Variants in IPO5 observed in about 807,000 individuals in gnomAD.
IPO5 encodes importin-5.
IPO5 carries 18 observed loss-of-function variants against 143.3 expected under a neutral mutation model. That is an observed-to-expected ratio of 0.13 (90% CI 0.09 to 0.19). The LOEUF (loss-of-function observed/expected upper bound fraction) is 0.19, where lower values mean the gene tolerates loss of function less well. Ranked by LOEUF, IPO5 falls within the 10% of genes least tolerant of loss-of-function variation. The pLI is 1.00. For missense variants in IPO5, 1,013 were observed against 1,336.9 expected, an observed-to-expected ratio of 0.76 and a Z score of 3.78; for synonymous variants, 477 against 465.7, an observed-to-expected ratio of 1.02 and a Z score of -0.31.
At chr13:97,959,280 C>A (rs1884686834) in intron 2 of IPO5, among the ~76,000 whole-genome samples, 2 of 152,146 alleles carry the variant, frequency 1.3e-5, no homozygotes, top group Admixed American at 1.3e-4. Flanking sequence ...CTGGCCTCTG[C>A]TGGCCTCTCA....
chr13:97,983,611 T>A (rs1887048680), intron 5 of IPO5, among the ~76,000 whole-genome samples: 1 of 146,024 alleles, frequency 6.8e-6, no homozygotes, highest in South Asian at 2.2e-4. Flanking sequence ...AATATCTGTT[T>A]ACTTTGGAAA....
chr13:97,974,697 A>G (rs1032810620), intron 3 of IPO5, among the ~76,000 whole-genome samples: 1 of 151,700 alleles, frequency 6.6e-6, no homozygotes, highest in Non-Finnish European at 1.5e-5. Context: ...AAAAAAAAAA[A>G]ATCAAAATCA....
intron 5 of IPO5, among the ~76,000 whole-genome samples, chr13:97,984,324 A>T (rs969829009): frequency 2.6e-5 from 4 of 152,114 alleles, no homozygotes; most frequent in Non-Finnish European, 4.4e-5. Context: ...TTAATTCTTG[A>T]AGATTAGTGC....
intron 2 of IPO5, chr13:97,960,529 G>A (rs1367663576): frequency 1.6e-5 from 2 of 126,334 alleles, no homozygotes; most frequent in African/African-American, 7.0e-5. Flanking sequence ...ACACCATAAA[G>A]TCCAAATTTT....
At chr13:98,004,494 G>A (rs1889053563) in intron 16 of IPO5, among the ~76,000 whole-genome samples, 1 of 151,862 alleles carries the variant, frequency 6.6e-6, no homozygotes, top group African/African-American at 2.4e-5. Flanking sequence ...TTACAGGTTT[G>A]GGTGGATGGC....
At chr13:98,019,457 A>G (rs1890338637) in intron 26 of IPO5, 124 bp from the exon 27 acceptor site, 3 of 709,164 alleles carry the variant, frequency 4.2e-6, no homozygotes, top group African/African-American at 1.8e-5. Context: ...AGAAGACAAC[A>G]CTTCCCATAC....
intron 12 of IPO5, among the ~76,000 whole-genome samples, chr13:98,000,088 T>C (rs12871757): frequency 0.023 from 3,533 of 152,114 alleles, 57 homozygotes; most frequent in Admixed American, 0.035. Context: ...ATCAAGACAA[T>C]CCTGGCTAAC....
rs147695197 is a variant in IPO5 at position 97,964,849 on chromosome 13, C to T, written c.-112-4874C>T. 4.5e-4 allele frequency among the ~76,000 whole-genome samples: 69 copies of T among 152,116 alleles called. 1 individual carries two copies. The East Asian group carries it at 0.013, about 29-fold the overall frequency. ...AGCAATCCCATTACTGAGTATATAC[C>T]CAAAGGATTATAAATCATTCTACTG... On this transcript the variant is annotated intron_variant, in intron 2 of 28. Transcript: ENST00000651721.
chr13:97,993,602 G>A (rs959203845), intron 11 of IPO5, among the ~76,000 whole-genome samples: 1 of 152,190 alleles, frequency 6.6e-6, no homozygotes, highest in African/African-American at 2.4e-5. Flanking sequence ...GTGAAGCCAA[G>A]ATTAGAAGAA....
At position 98,018,704 on chromosome 13, in the gene IPO5, G is replaced by A. The variant is rs1335509101; in HGVS notation, c.2836G>A (p.Glu946Lys). ...GGDNYRPFCT[E>K]ALPLLVRVIQ... ...AGATAATTATCGCCCTTTTTGTACA[G>A]GTACGTTTGCTTATTCCGTTACGTG... is the stretch of plus-strand genomic sequence containing the variant. Residue 946 changes from glutamate (E) to lysine (K), a missense_variant and splice_region_variant, in exon 26 of 29, where the codon GAA becomes AAA. Glu to Lys is a moderately conservative substitution (Grantham distance 56, BLOSUM62 1). Transcript: ENST00000651721. 1 of 1,611,852 alleles carries A rather than the reference G, an allele frequency of 6.2e-7. No homozygotes were observed. Among genetic ancestry groups the A allele is most frequent in the Non-Finnish European group, 8.5e-7 (1 of 1,178,088 alleles).
At chr13:97,977,225 C>T (rs1176084325) in intron 4 of IPO5, among the ~76,000 whole-genome samples, 2 of 152,208 alleles carry the variant, frequency 1.3e-5, no homozygotes, top group Non-Finnish European at 2.9e-5. Flanking sequence ...TGGCTGCTAC[C>T]TGACCCGTCA....
At chr13:98,008,022 G>A (rs761549677) in intron 17 of IPO5, 37 bp from the exon 18 acceptor site, 33 of 1,318,156 alleles carry the variant, frequency 2.5e-5, no homozygotes, top group Middle Eastern at 1.8e-4. Context: ...AACAAAATTC[G>A]GTATCAACAA....
intron 21 of IPO5, 31 bp from the exon 22 acceptor site, chr13:98,014,011 A>G: frequency 6.3e-7 from 1 of 1,582,710 alleles, no homozygotes; most frequent in East Asian, 2.3e-5. Context: ...AAAATAATAA[A>G]CAGTCTTTTG....
At chr13:98,015,496 C>A in intron 22 of IPO5, 34 bp from the exon 23 acceptor site, 1 of 1,298,926 alleles carries the variant, frequency 7.7e-7, no homozygotes, top group South Asian at 1.3e-5. Context: ...CACCCCAAAT[C>A]TTATGGATTG....
chr13:98,005,238 A>G (rs1270274919), intron 16 of IPO5, among the ~76,000 whole-genome samples: 1 of 150,434 alleles, frequency 6.6e-6, no homozygotes, highest in African/African-American at 2.4e-5. Context: ...GCTCTTGTCA[A>G]CCCAGCTGGG....
Position 97,990,172 on chromosome 13 carries a change from G to A in IPO5, c.514G>A (p.Val172Ile). ...FGNQQQHYLD[V>I]IKRMLVQCMQ... ...GAACCAGCAACAACACTATTTAGAT[G>A]TCATCAAACGAATGTTAGTTCAGTG... Residue 172 changes from valine (V) to isoleucine (I), a missense_variant, in exon 8 of 29, where the codon GTC becomes ATC. Transcript: ENST00000651721. 1 of 1,613,428 alleles carries A rather than the reference G, an allele frequency of 6.2e-7. No homozygotes were observed. Among genetic ancestry groups the A allele is most frequent in the Non-Finnish European group, 8.5e-7 (1 of 1,179,514 alleles).
At chr13:97,977,116 T>C (rs974761073) in intron 4 of IPO5, 35 of 158,302 alleles carry the variant, frequency 2.2e-4, no homozygotes, top group Non-Finnish European at 4.6e-4. Flanking sequence ...GCTTCCCAGC[T>C]CCCCGCTTGC....
In IPO5 at chr13:97,976,678, C is replaced by G. The variant is rs1167002019; in HGVS notation, c.-4-15C>G. On this transcript the variant is annotated splice_polypyrimidine_tract_variant and intron_variant, in intron 3 of 28. Transcript: ENST00000651721. ...CGGCTCCTGTCTCCCCTCCCTCCTT[C>G]TCTCTCACGCCTAGCGCAATGGCGG... 1 of 1,303,392 alleles carries G rather than the reference C, an allele frequency of 7.7e-7. No homozygotes were observed. Among genetic ancestry groups the G allele is most frequent in the Admixed American group, 2.4e-5 (1 of 41,602 alleles). 80.7% of individuals were successfully genotyped at this position (1,303,392 alleles called of 1,614,324 possible).
intron 22 of IPO5, among the ~76,000 whole-genome samples, chr13:98,014,646 G>A (rs994913570): frequency 3.3e-5 from 5 of 152,090 alleles, no homozygotes; most frequent in African/African-American, 9.7e-5. Flanking sequence ...TTTTAAAGAG[G>A]GTAAATTTGC....
Sources: gnomAD v4.1 joint callset for allele counts (sites outside exome capture counted in the v4.1 genomes callset) on GRCh38, gnomAD v4.1.1 for gene constraint, MANE v1.5 for transcripts, NCBI Gene and HGNC (gene_info 2026-07-23, HGNC 2026-07-21) for gene names.